STAB1: variants seen among roughly 807,000 people sequenced by gnomAD.
STAB1 encodes stabilin-1.
STAB1 carries 250 observed loss-of-function variants against 332.4 expected under a neutral mutation model. The observed-to-expected ratio is 0.75, with a 90% CI of 0.68 to 0.84. The LOEUF (loss-of-function observed/expected upper bound fraction) is 0.84. Ranked by LOEUF, STAB1 falls within the 40% of genes least tolerant of loss-of-function variation. STAB1 has a pLI of 0.00. For missense variants in STAB1, 3,249 were observed against 3,489.7 expected (o/e 0.93, Z 1.74); for synonymous variants, 1,475 against 1,390.4 (o/e 1.06, Z -1.35).
chr3:52,501,001 A>AC (rs995188990), intron 1 of STAB1, among the ~76,000 whole-genome samples, 165 bp from the exon 2 acceptor site: 1 of 152,138 alleles, frequency 6.6e-6, no homozygotes, highest in Non-Finnish European at 1.5e-5. Flanking sequence ...CATTCTGTGG[A>AC]CCCCCAAAGA....
chr3:52,509,322 G>A lies in STAB1; in HGVS notation c.2347+1G>A, dbSNP rs775905325. The A allele has an allele frequency of 6.2e-7, 1 of 1,612,930 alleles. No individual in the cohort carries two copies. The highest frequency in any genetic ancestry group is 1.1e-5 in the South Asian group (1 of 91,074). On this transcript the variant is annotated splice_donor_variant, in intron 22 of 68. Transcript: ENST00000321725. LOFTEE classifies it high-confidence loss of function. ...AAGCATGGAGAGCAATGCCAGGAAG[G>A]TGGGTGGTCCTGGCTCAGGCCACCT...
At position 52,509,936 on chromosome 3, in the gene STAB1, C is replaced by T. The variant is rs1385259872; in HGVS notation, c.2414C>T (p.Thr805Met). Residue 805 changes from threonine (T) to methionine (M), a missense_variant, in exon 23 of 69, where the codon ACG becomes ATG. Physicochemically the swap from Thr to Met is moderately conservative, Grantham distance 81. Coordinates refer to ENST00000321725, the MANE Select transcript of STAB1 (RefSeq NM_015136.3). ...AGTGGGGGGGTGTGCCAGCAGGGCA[C>T]GTGTGCCCCTGGCTTCAGTGGCCGG... ...PGSGGVCQQG[T>M]CAPGFSGRFC... The T allele has an allele frequency of 4.2e-5, 68 of 1,612,862 alleles. No individual in the cohort carries two copies. Among genetic ancestry groups the T allele is most frequent in the Non-Finnish European group, 5.3e-5 (63 of 1,180,016 alleles).
chr3:52,521,512 T>C lies in STAB1; in HGVS notation c.6058+2T>C, dbSNP rs1212696959. On this transcript the variant is annotated splice_donor_variant, in intron 56 of 68. Coordinates refer to ENST00000321725, the MANE Select transcript of STAB1 (RefSeq NM_015136.3). LOFTEE classifies it high-confidence loss of function. ...GTGCCTTTGGGCCCCATTGTCAAGG[T>C]GGGCCATCCCTGCCTGCCCCACGGC... The C allele has an allele frequency of 3.7e-6, 6 of 1,613,830 alleles. No individual in the cohort carries two copies. The highest frequency in any genetic ancestry group is 5.1e-6 in the Non-Finnish European group (6 of 1,180,010).
intron 13 of STAB1, 58 bp from the exon 14 acceptor site, chr3:52,505,261 C>T: frequency 6.2e-7 from 1 of 1,606,236 alleles, no homozygotes; most frequent in Non-Finnish European, 8.5e-7. Flanking sequence ...CTTCTCCCCG[C>T]TGGGCTGAAG....
chr3:52,515,978 G>GTTCCCC, intron 37 of STAB1, 65 bp from the exon 38 acceptor site: 1 of 1,481,880 alleles, frequency 6.7e-7, no homozygotes, highest in Non-Finnish European at 9.0e-7. Flanking sequence ...AGATGCCCCC[G>GTTCCCC]TTCCCCTTCC....
chr3:52,504,019 G>A lies in STAB1; in HGVS notation c.1023-9G>A. 1 of 1,606,726 alleles carries A rather than the reference G, an allele frequency of 6.2e-7. No homozygotes were observed. ...CCTCCGCCCTGACTGGCTCTCCCTGGGAGCCCAGCTGTGTGTGCAGGGAAA... is the reference window on the plus strand; with the variant it reads ...CCTCCGCCCTGACTGGCTCTCCCTGAGAGCCCAGCTGTGTGTGCAGGGAAA... On this transcript the variant is annotated splice_polypyrimidine_tract_variant and intron_variant, in intron 9 of 68. Transcript: ENST00000321725.
In STAB1 at chr3:52,505,918, C is replaced by A; in HGVS notation, c.1731C>A (p.His577Gln). Residue 577 changes from histidine to glutamine, a missense_variant, in exon 16 of 69, where the codon CAC becomes CAA. Transcript: ENST00000321725. ...AACTGCAGGAGTTGGTGCGGTACCA[C>A]ATCTACAACCACGGCCAGGTGCGAG... ...LSKLQELVRY[H>Q]IYNHGQLTVE... The A allele has an allele frequency of 1.2e-6, 2 of 1,613,846 alleles. No homozygotes were observed. The highest frequency in any genetic ancestry group is 1.7e-6 in the Non-Finnish European group (2 of 1,180,032).
intron 38 of STAB1, 34 bp from the exon 39 acceptor site, chr3:52,516,322 T>C: frequency 6.2e-7 from 1 of 1,604,980 alleles, no homozygotes; most frequent in Non-Finnish European, 8.5e-7. Context: ...ATGGAGGCAC[T>C]GGGCAACTCC....
intron 50 of STAB1, 179 bp from the exon 51 acceptor site, chr3:52,519,765 A>C: frequency 1.8e-6 from 2 of 1,126,110 alleles, no homozygotes; most frequent in Non-Finnish European, 2.5e-6. Context: ...ATGTGTGCCC[A>C]CATTCCTGAC....
Position 52,512,906 on chromosome 3 carries a change from C to CCCGAGGA in STAB1, c.3112_3118dup (p.Ala1040GlyfsTer52). 1 of 1,612,160 alleles carries CCCGAGGA rather than the reference C, an allele frequency of 6.2e-7. No homozygotes were observed. Among genetic ancestry groups the CCCGAGGA allele is most frequent in the Non-Finnish European group, 8.5e-7 (1 of 1,179,882 alleles). ...CGAGGCTGCAGTCCGTCAGCTGAGC[C>CCCGAGGA]CCGAGGACCGAGCTTTCTGGCTGCA... On this transcript the variant is annotated frameshift_variant, in exon 29 of 69. Coordinates refer to ENST00000321725, the MANE Select transcript of STAB1 (RefSeq NM_015136.3). LOFTEE classifies it high-confidence loss of function.
chr3:52,510,420 C>T lies in STAB1; in HGVS notation c.2700C>T (p.Arg900=), dbSNP rs368912509. The part of the protein sequence containing the change: ...TCHKGWSGDG[R]VCVAIDECEL... ...ACAAAGGCTGGAGTGGGGATGGCCGCGTCTGTGTGGCTATTGACGAGTGTG... is the reference window on the plus strand; with the variant it reads ...ACAAAGGCTGGAGTGGGGATGGCCGTGTCTGTGTGGCTATTGACGAGTGTG... Residue 900 remains arginine (R), a synonymous_variant, in exon 25 of 69, where the codon CGC becomes CGT. Transcript: ENST00000321725. 31 of 1,613,760 alleles carry T rather than the reference C, an allele frequency of 1.9e-5. No homozygotes were observed. The highest frequency in any genetic ancestry group is 7.7e-5 in the South Asian group (7 of 91,082).
At position 52,524,213 on chromosome 3, in the gene STAB1, T is replaced by C. The variant is rs780566194; in HGVS notation, c.7656T>C (p.Asp2552=). ...GCGACACCTTTTGTGAACCCTTCGATGTAAGCATGGAAGTGAAGAAGTGTG... is the reference window on the plus strand; with the variant it reads ...GCGACACCTTTTGTGAACCCTTCGACGTAAGCATGGAAGTGAAGAAGTGTG... ...FGSDTFCEPF[D]DSLLEEDFPD... is the part of the protein sequence containing the mutation. The change falls in exon 68 of 69, where the codon GAT becomes GAC. Residue 2552 remains aspartate, a splice_region_variant and synonymous_variant. Coordinates refer to ENST00000321725, the MANE Select transcript of STAB1 (RefSeq NM_015136.3). The C allele has an allele frequency of 4.3e-6, 7 of 1,614,072 alleles. No homozygotes were observed. The highest frequency in any genetic ancestry group is 1.7e-5 in the Admixed American group (1 of 60,032).
intron 1 of STAB1, among the ~76,000 whole-genome samples, chr3:52,498,704 C>A (rs1023451250): frequency 1.3e-5 from 2 of 152,232 alleles, no homozygotes; most frequent in Non-Finnish European, 2.9e-5. Flanking sequence ...GGTCCACAGC[C>A]AGAATGGTGA....
chr3:52,514,643 C>T (rs2078791657), intron 34 of STAB1, 58 bp from the exon 35 acceptor site: 1 of 1,610,272 alleles, frequency 6.2e-7, no homozygotes, highest in Non-Finnish European at 8.5e-7. Flanking sequence ...CCTGACCTTA[C>T]AGCCCTGCCA....
In STAB1 at chr3:52,505,873, C is replaced by T; in HGVS notation, c.1696-10C>T. On this transcript the variant is annotated splice_polypyrimidine_tract_variant and intron_variant, in intron 15 of 68. Coordinates refer to ENST00000321725, the MANE Select transcript of STAB1 (RefSeq NM_015136.3). ...CCTCCAGGAGCCAAACCCTCTCTCT[C>T]CCCTGCCAGGGTCTCTCTAAACTGC... 2.5e-6 allele frequency: 4 copies of T among 1,614,032 alleles called. No homozygotes were observed. The highest frequency in any genetic ancestry group is 1.1e-5 in the South Asian group (1 of 91,088).
chr3:52,501,287 T>A lies in STAB1; in HGVS notation c.200T>A (p.Ile67Lys). The change falls in exon 2 of 69, where the codon ATA becomes AAA. Residue 67 changes from isoleucine to lysine, a missense_variant. By Grantham distance (102) the Ile-to-Lys change is moderately radical. Transcript: ENST00000321725. ...SGWLRELPDQ[I>K]TQDCRYEVQL... Reference sequence around the variant, plus strand: ...TGGCTGCGGGAGCTCCCGGATCAGATAACCCAGGACTGCCGGTGCGGGCCA... The same window carrying A: ...TGGCTGCGGGAGCTCCCGGATCAGAAAACCCAGGACTGCCGGTGCGGGCCA... The A allele has an allele frequency of 6.2e-7, 1 of 1,613,400 alleles. No individual in the cohort carries two copies. Among genetic ancestry groups the A allele is most frequent in the Non-Finnish European group, 8.5e-7 (1 of 1,179,992 alleles).
chr3:52,502,595 G>A (rs372955057), intron 5 of STAB1, 37 bp from the exon 6 acceptor site: 2 of 1,584,398 alleles, frequency 1.3e-6, no homozygotes, highest in Non-Finnish European at 1.7e-6. Context: ...GCCTGGGAGA[G>A]GCTGGGGCCC....
chr3:52,503,109 G>A lies in STAB1; in HGVS notation c.694G>A (p.Ala232Thr). ...GYTQQGSECR[A>T]PNPCWPSPCS... Reference sequence around the variant, plus strand: ...CACACAGCAGGGCAGTGAATGCCGAGGTGAGCCTGGACTCAGAGGCCAGGG... The same window carrying A: ...CACACAGCAGGGCAGTGAATGCCGAAGTGAGCCTGGACTCAGAGGCCAGGG... The change falls in exon 7 of 69, where the codon GCC becomes ACC. Residue 232 changes from alanine to threonine, a missense_variant and splice_region_variant. Physicochemically the swap from Ala to Thr is moderately conservative, Grantham distance 58. Coordinates refer to ENST00000321725, the MANE Select transcript of STAB1 (RefSeq NM_015136.3). 6.3e-7 allele frequency: 1 copy of A among 1,583,188 alleles called. No individual in the cohort carries two copies.
chr3:52,501,377 G>T, intron 2 of STAB1, 75 bp downstream of exon 2: 2 of 1,575,082 alleles, frequency 1.3e-6, no homozygotes, highest in Non-Finnish European at 1.7e-6. Context: ...AGCCTGACAG[G>T]CCCACAAAAT....
Sources: allele counts gnomAD v4.1 joint callset (sites outside exome capture counted in the v4.1 genomes callset), GRCh38; gene constraint gnomAD v4.1.1; transcripts MANE v1.5; gene names NCBI Gene and HGNC (gene_info 2026-07-23, HGNC 2026-07-21).